Variants in ZSCAN25 observed in about 807,000 individuals in gnomAD.
ZSCAN25 encodes the protein zinc finger and SCAN domain containing 25.
ZSCAN25 carries 27 observed loss-of-function variants against 38.7 expected under a neutral mutation model. That is an observed-to-expected ratio of 0.70 (90% CI 0.51 to 0.96). ZSCAN25 has a LOEUF of 0.96. Ranked by LOEUF, ZSCAN25 falls within the 40% of genes least tolerant of loss-of-function variation. ZSCAN25 has a pLI of 0.00. For synonymous variants in ZSCAN25, 273 were observed against 277.7 expected, an observed-to-expected ratio of 0.98 and a Z score of 0.17; for missense variants, 637 against 705.9, an observed-to-expected ratio of 0.90 and a Z score of 1.11.
chr7:99,717,659 G>T, the ZSCAN25 span: 2 of 1,612,564 alleles, frequency 1.2e-6, no homozygotes, highest in African/African-American at 1.3e-5. Context: ...AAAGCAGAAA[G>T]ATTTTGTCCT....
At chr7:99,726,851 C>T in the ZSCAN25 span, among the ~76,000 whole-genome samples, 102 of 152,312 alleles carry the variant, frequency 6.7e-4, no homozygotes, top group African/African-American at 2.3e-3. Flanking sequence ...CTTCTCCATC[C>T]GTTACGTACC....
At chr7:99,696,236 C>CTTTTTTTTT in the ZSCAN25 span, among the ~76,000 whole-genome samples, 2 of 147,348 alleles carry the variant, frequency 1.4e-5, no homozygotes, top group Non-Finnish European at 3.0e-5. Flanking sequence ...GAAAGGGTGA[C>CTTTTTTTTT]TTTTTTTTTT....
At chr7:99,623,934 G>A in intron 6 of ZSCAN25, 123 bp from the exon 7 acceptor site, 1 of 1,385,988 alleles carries the variant, frequency 7.2e-7, no homozygotes. Context: ...GCTCAAACAA[G>A]TGGATTACTC....
chr7:99,735,184 C>G, the ZSCAN25 span: 1 of 1,527,238 alleles, frequency 6.5e-7, no homozygotes, highest in Non-Finnish European at 9.0e-7. Flanking sequence ...GCTTTCCTGC[C>G]CTGCACAGCA....
At chr7:99,625,618 G>T (rs900005578) in intron 7 of ZSCAN25, among the ~76,000 whole-genome samples, 1 of 152,170 alleles carries the variant, frequency 6.6e-6, no homozygotes, top group African/African-American at 2.4e-5. Context: ...ACAAAGCAGG[G>T]GCTCGAGTGA....
the ZSCAN25 span, chr7:99,731,004 C>T: frequency 5.0e-6 from 8 of 1,601,972 alleles, no homozygotes; most frequent in Non-Finnish European, 6.0e-6. Context: ...ACTGATGGAA[C>T]TAAGTTGCTC....
the ZSCAN25 span, chr7:99,671,630 A>G: frequency 6.7e-5 from 38 of 564,516 alleles, no homozygotes; most frequent in African/African-American, 4.7e-4. Flanking sequence ...GTGTTAAACT[A>G]TATAACTCTT....
chr7:99,715,079 T>C, the ZSCAN25 span, among the ~76,000 whole-genome samples: 2 of 152,180 alleles, frequency 1.3e-5, no homozygotes, highest in African/African-American at 2.4e-5. Context: ...TCACCTATCA[T>C]AGGATAAAGC....
At chr7:99,718,213 G>C in the ZSCAN25 span, among the ~76,000 whole-genome samples, 3 of 152,066 alleles carry the variant, frequency 2.0e-5, no homozygotes, top group Non-Finnish European at 4.4e-5. Context: ...CATGGCACAT[G>C]CATACATATG....
the ZSCAN25 span, among the ~76,000 whole-genome samples, chr7:99,641,204 AG>A: frequency 1.3e-5 from 2 of 152,196 alleles, no homozygotes; most frequent in Admixed American, 1.3e-4. Context: ...TCAGTTCCTC[AG>A]GGATAGGGAG....
the ZSCAN25 span, among the ~76,000 whole-genome samples, chr7:99,664,370 C>CT: frequency 6.6e-6 from 1 of 152,310 alleles, no homozygotes; most frequent in African/African-American, 2.4e-5. Flanking sequence ...ACCTCTTAGC[C>CT]TTTATCTATT....
At chr7:99,692,873 C>T in the ZSCAN25 span, among the ~76,000 whole-genome samples, 1 of 152,056 alleles carries the variant, frequency 6.6e-6, no homozygotes, top group African/African-American at 2.4e-5. Context: ...TTGCTAATAC[C>T]GACCTTCTGA....
the ZSCAN25 span, among the ~76,000 whole-genome samples, chr7:99,640,065 TCAAA>T: frequency 6.6e-6 from 1 of 152,200 alleles, no homozygotes; most frequent in East Asian, 1.9e-4. Flanking sequence ...AGACACTGTC[TCAAA>T]CAAAAACTAC....
the ZSCAN25 span, among the ~76,000 whole-genome samples, chr7:99,727,963 T>G: frequency 6.6e-6 from 1 of 152,202 alleles, no homozygotes; most frequent in Non-Finnish European, 1.5e-5. Context: ...AGTCATTCAC[T>G]GCAAAGGCCA....
the ZSCAN25 span, among the ~76,000 whole-genome samples, chr7:99,709,696 G>T: frequency 1.3e-5 from 2 of 152,056 alleles, no homozygotes; most frequent in African/African-American, 4.8e-5. Context: ...AGGATTATTG[G>T]CCAAACTTCT....
At chr7:99,632,989 G>GTTGTTTTTTTTTT (rs1554412109), downstream of ZSCAN25, among the ~76,000 whole-genome samples, 133 of 128,506 alleles carry the variant, frequency 1.0e-3, 5 homozygotes, top group African/African-American at 4.0e-3. Flanking sequence ...ATTTTCTGTT[G>GTTGTTTTTTTTTT]TTTTTTTTTT....
In ZSCAN25 at chr7:99,621,372, G is replaced by A; in HGVS notation, c.388-1G>A. 1 of 1,402,092 alleles carries A rather than the reference G, an allele frequency of 7.1e-7. No individual in the cohort carries two copies. The highest frequency in any genetic ancestry group is 9.4e-7 in the Non-Finnish European group (1 of 1,063,204). The allele number at this position is 1,402,092 out of a possible 1,614,324, so 86.9% of individuals were successfully genotyped here. A position where few individuals can be genotyped will look rare whatever the true frequency, so the allele number is the denominator to read the frequency against. ...TAATCGGTGTTGGGAACTGTTCTTA[G>A]GTTCCATGCCACAGGCAGGGAGAGC... On this transcript the variant is annotated splice_acceptor_variant, in intron 4 of 7. Transcript: ENST00000394152. LOFTEE classifies it high-confidence loss of function.
At chr7:99,655,318 C>G in the ZSCAN25 span, among the ~76,000 whole-genome samples, 1 of 152,172 alleles carries the variant, frequency 6.6e-6, no homozygotes, top group Non-Finnish European at 1.5e-5. Context: ...TTTCCCAGCA[C>G]CATTTATTAA....
chr7:99,708,733 A>C, the ZSCAN25 span, among the ~76,000 whole-genome samples: 6 of 152,120 alleles, frequency 3.9e-5, no homozygotes, highest in African/African-American at 1.4e-4. Context: ...TGTGGGACAT[A>C]ATAATAGCAT....
Sources: gnomAD v4.1 joint callset for allele counts (sites outside exome capture counted in the v4.1 genomes callset) on GRCh38, gnomAD v4.1.1 for gene constraint, MANE v1.5 for transcripts, NCBI Gene and HGNC (gene_info 2026-07-23, HGNC 2026-07-21) for gene names.